The following PTTG1 variants were observed in gnomAD, a reference collection of about 807,000 sequenced individuals.
PTTG1 encodes the protein PTTG1 regulator of sister chromatid separation, securin, also known as securin.
In PTTG1, 8 loss-of-function variants were observed where a neutral mutation model predicts 20.0. That is an observed-to-expected ratio of 0.40 (90% confidence interval 0.23 to 0.72). The LOEUF is 0.72. PTTG1 is among the 30% of genes least tolerant of loss of function. PTTG1 has a pLI of 0.38. For missense variants in PTTG1, 197 were observed against 236.0 expected (o/e 0.83, Z 1.08); for synonymous variants, 79 against 87.2 (o/e 0.91, Z 0.52).
At chr5:160,424,003 C>T (rs534758673) in intron 3 of PTTG1, among the ~76,000 whole-genome samples, 1 of 152,292 alleles carries the variant, frequency 6.6e-6, no homozygotes, top group East Asian at 1.9e-4. Flanking sequence ...GAATTAACTG[C>T]ATTCTTGATC....
chr5:160,422,716 A>G lies in PTTG1; in HGVS notation c.99A>G (p.Lys33=), dbSNP rs1765738405. Residue 33 remains lysine, a synonymous_variant, in exon 3 of 6, where the codon AAA becomes AAG. Coordinates refer to ENST00000352433, the MANE Select transcript of PTTG1 (RefSeq NM_004219.4). ...GLKLGSGPSI[K]ALDGRSQVST... is the part of the protein sequence containing the mutation. ...GTAAGACTTTTTCTTCAGCAATCAA[A>G]GCCTTAGATGGGAGATCTCAAGTTT... The G allele has an allele frequency of 6.2e-7, 1 of 1,614,084 alleles. No individual in the cohort carries two copies. The highest frequency in any genetic ancestry group is 1.1e-5 in the South Asian group (1 of 91,082).
chr5:160,424,416 A>C (rs1373620587), intron 4 of PTTG1, 86 bp downstream of exon 4: 5 of 951,826 alleles, frequency 5.3e-6, no homozygotes, highest in Non-Finnish European at 8.1e-6. Context: ...TGAATATAAT[A>C]TATGACCAAA....
chr5:160,422,966 T>C (rs762866322), intron 3 of PTTG1, 73 bp downstream of exon 3: 76 of 1,488,962 alleles, frequency 5.1e-5, no homozygotes, highest in Non-Finnish European at 6.5e-5. Context: ...ATTGGCATCA[T>C]CCTACGTAGC....
intron 4 of PTTG1, among the ~76,000 whole-genome samples, chr5:160,426,764 C>T (rs1765816052): frequency 6.6e-6 from 1 of 151,966 alleles, no homozygotes; most frequent in Non-Finnish European, 1.5e-5. Context: ...CTTTTTTTGG[C>T]CAGATGCAGT....
intron 4 of PTTG1, among the ~76,000 whole-genome samples, chr5:160,426,541 T>G (rs762104167): frequency 6.6e-6 from 1 of 152,240 alleles, no homozygotes; most frequent in Non-Finnish European, 1.5e-5. Flanking sequence ...GTAAAATCCA[T>G]TGGTCTATTT....
intron 3 of PTTG1, 44 bp from the exon 4 acceptor site, chr5:160,424,193 A>C: frequency 7.1e-7 from 1 of 1,406,516 alleles, no homozygotes; most frequent in Non-Finnish European, 9.9e-7. Context: ...TCAGCTAATA[A>C]GACTTCCACT....
chr5:160,426,818 G>A lies in PTTG1; in HGVS notation c.371-897G>A, dbSNP rs988242109. ...CAGCACTTTGGGAGGCAAGGCGGGC[G>A]GATCACCTGAGGTCACGAGTTCAAG... is the stretch of plus-strand genomic sequence containing the variant. On this transcript the variant is annotated intron_variant, in intron 4 of 5. Transcript: ENST00000352433. Among the ~76,000 whole-genome samples, 19 of 152,282 alleles carry A rather than the reference G, an allele frequency of 1.2e-4. 1 individual carries two copies. The highest frequency in any genetic ancestry group is 3.9e-4 in the African/African-American group (16 of 41,552).
chr5:160,428,514 A>G (rs2113216916), intron 5 of PTTG1, 88 bp from the exon 6 acceptor site: 1 of 1,202,448 alleles, frequency 8.3e-7, no homozygotes, highest in Non-Finnish European at 1.2e-6. Flanking sequence ...AAAAACATGA[A>G]TTTTTGATTG....
intron 2 of PTTG1, 116 bp downstream of exon 2, chr5:160,422,519 C>G (rs1289171649): frequency 2.8e-6 from 2 of 714,050 alleles, no homozygotes; most frequent in African/African-American, 1.9e-5. Context: ...GGTCCTTTTT[C>G]ATTTTTAATA....
chr5:160,424,710 T>G (rs1348318214), intron 4 of PTTG1: 1 of 159,982 alleles, frequency 6.3e-6, no homozygotes, highest in Non-Finnish European at 1.4e-5. Flanking sequence ...TTCTTTGGTT[T>G]GAAAAATCTA....
intron 4 of PTTG1, among the ~76,000 whole-genome samples, chr5:160,426,114 A>G (rs1365710205): frequency 2.0e-5 from 3 of 152,214 alleles, no homozygotes; most frequent in Non-Finnish European, 4.4e-5. Context: ...ATTATTGAAG[A>G]CCACTTTTGC....
chr5:160,423,304 T>A (rs897647004), intron 3 of PTTG1, among the ~76,000 whole-genome samples: 4 of 152,240 alleles, frequency 2.6e-5, no homozygotes, highest in Non-Finnish European at 5.9e-5. Context: ...GCTGCCATTC[T>A]CTTAGCCTTC....
At position 160,421,910 on chromosome 5, in the gene PTTG1, C is replaced by A. The variant is rs1294210002; in HGVS notation, c.-12+19C>A. The A allele has an allele frequency of 1.1e-5, 2 of 183,738 alleles. No individual in the cohort carries two copies. The highest frequency in any genetic ancestry group is 9.6e-5 in the South Asian group (1 of 10,444). The allele number at this position is 183,738 out of a possible 1,614,324, so 11.4% of individuals were successfully genotyped here. On this transcript the variant is annotated intron_variant, in intron 1 of 5. Transcript: ENST00000352433. The stretch of plus-strand genomic sequence containing the variant: ...GACCTGCGTGAGTGAATGGGAGGGT[C>A]GCGGGTGGTTAGTTGAGCCGGCTCC...
chr5:160,422,380 G>A lies in PTTG1; in HGVS notation c.68G>A (p.Gly23Glu). 6.2e-7 allele frequency: 1 copy of A among 1,614,056 alleles called. No homozygotes were observed. Among genetic ancestry groups the A allele is most frequent in the South Asian group, 1.1e-5 (1 of 91,070 alleles). Residue 23 changes from glycine to glutamate, a missense_variant, in exon 2 of 6, where the codon GGG (glycine) becomes GAG (glutamate). Physicochemically the swap from Gly to Glu is moderately conservative, Grantham distance 98. Transcript: ENST00000352433. ...GGCACCCGTGTGGTTGCTAAGGATG[G>A]GCTGAAGCTGGGGTCTGGACCTTGT... Reference protein sequence around the residue: ...EPGTRVVAKDGLKLGSGPSIK... With the variant: ...EPGTRVVAKDELKLGSGPSIK...
intron 4 of PTTG1, among the ~76,000 whole-genome samples, chr5:160,425,430 G>A (rs1012470903): frequency 6.6e-6 from 1 of 152,344 alleles, no homozygotes; most frequent in East Asian, 1.9e-4. Context: ...CTGTGTTACA[G>A]GAAAGAGATA....
chr5:160,422,925 C>T, intron 3 of PTTG1, 32 bp downstream of exon 3: 5 of 1,600,762 alleles, frequency 3.1e-6, no homozygotes, highest in Non-Finnish European at 3.4e-6. Context: ...ACTGTTTAAA[C>T]ACTTAAGCAC....
At position 160,422,814 on chromosome 5, in the gene PTTG1, C is replaced by T. The variant is rs1200137622; in HGVS notation, c.197C>T (p.Thr66Ile). 6.2e-7 allele frequency: 1 copy of T among 1,614,074 alleles called. No individual in the cohort carries two copies. Among genetic ancestry groups the T allele is most frequent in the Non-Finnish European group, 8.5e-7 (1 of 1,180,032 alleles). Residue 66 changes from threonine (T) to isoleucine (I), a missense_variant, in exon 3 of 6, where the codon ACT becomes ATT. By Grantham distance (89) the Thr-to-Ile change is moderately conservative. Coordinates refer to ENST00000352433, the MANE Select transcript of PTTG1 (RefSeq NM_004219.4). Reference protein sequence around the residue: ...LPKATRKALGTVNRATEKSVK... With the variant: ...LPKATRKALGIVNRATEKSVK... ...AAAGCTACTAGAAAGGCTTTGGGAA[C>T]TGTCAACAGAGCTACAGAAAAGTCT...
chr5:160,427,986 CAAATGACAAGGATTA>C, intron 5 of PTTG1, 113 bp downstream of exon 5: 1 of 1,310,910 alleles, frequency 7.6e-7, no homozygotes, highest in Non-Finnish European at 1.1e-6. Flanking sequence ...TTCTGTCCTT[CAAATGACAAGGATTA>C]GTTTTCAGAA....
At chr5:160,427,564 A>T in intron 4 of PTTG1, 151 bp from the exon 5 acceptor site, 1 of 884,474 alleles carries the variant, frequency 1.1e-6, no homozygotes, top group Non-Finnish European at 1.7e-6. Flanking sequence ...TACCATCATT[A>T]CAAATGTCAA....
Sources: gnomAD v4.1 joint callset for allele counts (sites outside exome capture counted in the v4.1 genomes callset) on GRCh38, gnomAD v4.1.1 for gene constraint, MANE v1.5 for transcripts, NCBI Gene and HGNC (gene_info 2026-07-23, HGNC 2026-07-21) for gene names.